Variants in RFTN1 observed in about 807,000 individuals in gnomAD.
RFTN1 encodes the protein raftlin.
RFTN1 carries 26 observed loss-of-function variants against 46.5 expected under a neutral mutation model. The ratio of observed to expected loss-of-function variants is 0.56; its 90% CI spans 0.41 to 0.78. RFTN1 has a LOEUF of 0.78. Among genes scored for constraint, RFTN1 ranks in the 30% least tolerant of loss-of-function variants. The pLI is 0.00. For synonymous variants in RFTN1, 261 were observed against 284.2 expected (o/e 0.92, Z 0.82); for missense variants, 693 against 718.7 (o/e 0.96, Z 0.41).
rs144720357 is a variant in RFTN1, at chr3:16,359,816, C to CT, written c.1031-1770dup. On this transcript the variant is annotated intron_variant, in intron 6 of 9. Transcript: ENST00000334133. ...TAGGGCAAATCCATAATAATGTGACCTTTTTTTTTTCATGGGGAGGGAAGG... is the reference window on the plus strand; with the variant it reads ...TAGGGCAAATCCATAATAATGTGACCTTTTTTTTTTTCATGGGGAGGGAAGG... Among the ~76,000 whole-genome samples the CT allele has an allele frequency of 1.3e-4, 20 of 148,528 alleles. No individual in the cohort carries two copies. In the East Asian group the frequency reaches 1.8e-3, roughly 13 times the overall value.
chr3:16,508,218 C>G (rs1305235260), intron 1 of RFTN1, among the ~76,000 whole-genome samples: 2 of 152,194 alleles, frequency 1.3e-5, no homozygotes, highest in African/African-American at 4.8e-5. Flanking sequence ...ACAGTACCAG[C>G]CCTCCACTGT....
At position 16,375,838 on chromosome 3, in the gene RFTN1, C is replaced by T. The variant is rs192673777; in HGVS notation, c.826+1880G>A. Among the ~76,000 whole-genome samples the T allele has an allele frequency of 7.8e-4, 119 of 152,242 alleles. 1 individual carries two copies. Among genetic ancestry groups the T allele is most frequent in the Admixed American group, 2.2e-3 (34 of 15,296 alleles). The stretch of plus-strand genomic sequence containing the variant: ...TCCTCCCCAGCAGGGTCTGTTTCTC[C>T]AGGAGAGAACAGGGACTTGGGTGAT... On this transcript the variant is annotated intron_variant, in intron 5 of 9. Coordinates refer to ENST00000334133, the MANE Select transcript of RFTN1 (RefSeq NM_015150.2).
In RFTN1 at chr3:16,384,869, G is replaced by A. The variant is rs1451098853; in HGVS notation, c.442-6767C>T. ...TGACCCCATGGACAGTGCAGGTGTAGAACATATCCATCATCATAGAACGTT... is the reference window on the plus strand; with the variant it reads ...TGACCCCATGGACAGTGCAGGTGTAAAACATATCCATCATCATAGAACGTT... On this transcript the variant is annotated intron_variant, in intron 4 of 9. Transcript: ENST00000334133. The surrounding 1 kb of genome is among the most constrained non-coding windows in gnomAD (Gnocchi z 4.7). 6.6e-6 allele frequency among the ~76,000 whole-genome samples: 1 copy of A among 152,164 alleles called. No homozygotes were observed. Among genetic ancestry groups the A allele is most frequent in the Non-Finnish European group, 1.5e-5 (1 of 68,036 alleles).
rs545340986 is a variant in RFTN1, at chr3:16,412,718, T to C, written c.333-3235A>G. ...ACATGGTAAAGGTGATGGATGTCAC[T>C]CCTGTGATGGCATTATGTTATATGA... On this transcript the variant is annotated intron_variant, in intron 3 of 9. Transcript: ENST00000334133. Among the ~76,000 whole-genome samples, 23 of 152,354 alleles carry C rather than the reference T, an allele frequency of 1.5e-4. 1 individual carries two copies. The South Asian group carries it at 4.8e-3, about 32-fold the overall frequency.
intron 4 of RFTN1, among the ~76,000 whole-genome samples, chr3:16,397,654 G>A (rs577670795): frequency 2.0e-4 from 30 of 152,006 alleles, no homozygotes; most frequent in Non-Finnish European, 2.1e-4. Context: ...CCACACCCCC[G>A]CCCACCCCAC....
rs2076223961 is a variant in RFTN1 at position 16,473,051 on chromosome 3, T to TG, written c.145+20673dup. Among the ~76,000 whole-genome samples, 1 of 152,246 alleles carries TG rather than the reference T, an allele frequency of 6.6e-6. No individual in the cohort carries two copies. On this transcript the variant is annotated intron_variant, in intron 2 of 9. Coordinates refer to ENST00000334133, the MANE Select transcript of RFTN1 (RefSeq NM_015150.2). The surrounding 1 kb of genome is among the most constrained non-coding windows in gnomAD (Gnocchi z 5.3). The stretch of plus-strand genomic sequence containing the variant: ...TACTAGGAAATCTGTTGGCTATAAA[T>TG]GAACTCATCGATAACACTCATTTCC...
chr3:16,503,476 T>A (rs954113060), intron 1 of RFTN1, among the ~76,000 whole-genome samples: 3 of 152,132 alleles, frequency 2.0e-5, no homozygotes, highest in Non-Finnish European at 4.4e-5. Flanking sequence ...CAGAGCACCA[T>A]TATTTTTAAA....
rs2070934833 is a variant in RFTN1 at position 16,337,138 on chromosome 3, G to T, written c.1147-10262C>A. ...AACCCTGCCTACGCCATGAGGACAGGCCCAGGCTAGCCTTCGGATGATGAG... is the reference window on the plus strand; with the variant it reads ...AACCCTGCCTACGCCATGAGGACAGTCCCAGGCTAGCCTTCGGATGATGAG... On this transcript the variant is annotated intron_variant, in intron 7 of 9. Transcript: ENST00000334133. This position sits in a 1 kb window ranked among gnomAD's most constrained non-coding sequence, Gnocchi z 5.0. 1.3e-5 allele frequency: 2 copies of T among 152,200 alleles called. No individual in the cohort carries two copies. Among genetic ancestry groups the T allele is most frequent in the African/African-American group, 4.8e-5 (2 of 41,436 alleles). The allele number at this position is 152,200 out of a possible 1,614,324, so 9.4% of individuals were successfully genotyped here. A position where few individuals can be genotyped will look rare whatever the true frequency, so the allele number is the denominator to read the frequency against.
rs970507494 is a variant in RFTN1 at position 16,473,549 on chromosome 3, C to T, written c.145+20176G>A. Among the ~76,000 whole-genome samples the T allele has an allele frequency of 6.6e-6, 1 of 151,942 alleles. No homozygotes were observed. The highest frequency in any genetic ancestry group is 1.5e-5 in the Non-Finnish European group (1 of 67,966). On this transcript the variant is annotated intron_variant, in intron 2 of 9. Transcript: ENST00000334133. The surrounding 1 kb of genome is among the most constrained non-coding windows in gnomAD (Gnocchi z 5.3). Reference sequence around the variant, plus strand: ...CCAAGGAGCTGGGACTACAGGCATGCACCGCCCTGCCTGGCTAATTTTTTT... The same window carrying T: ...CCAAGGAGCTGGGACTACAGGCATGTACCGCCCTGCCTGGCTAATTTTTTT...
chr3:16,435,437 G>C (rs1240979925), intron 2 of RFTN1, among the ~76,000 whole-genome samples: 2 of 152,112 alleles, frequency 1.3e-5, no homozygotes, highest in Non-Finnish European at 2.9e-5. Flanking sequence ...CGGTGTGGTG[G>C]TGCATGCCTG....
chr3:16,470,373 G>C (rs1170402982), intron 2 of RFTN1, among the ~76,000 whole-genome samples: 1 of 152,208 alleles, frequency 6.6e-6, no homozygotes, highest in Non-Finnish European at 1.5e-5. Context: ...CACTGGGCGA[G>C]GTTTTGTCTC....
At chr3:16,505,514 G>A (rs549076448) in intron 1 of RFTN1, among the ~76,000 whole-genome samples, 1 of 152,314 alleles carries the variant, frequency 6.6e-6, no homozygotes, top group African/African-American at 2.4e-5. Context: ...TGAAATTGGG[G>A]GGCTGACAAG....
rs34705903 is a variant in RFTN1, at chr3:16,426,660, CGTGTGTGTGTGT to C, written c.332+7179_332+7190del. ...ACTGTTATTTTGGCAATGAAAGGAT[CGTGTGTGTGTGT>C]GTGTGTGTGTGTGTGTGTGTGTGTG... On this transcript the variant is annotated intron_variant, in intron 3 of 9. Transcript: ENST00000334133. This position sits in a 1 kb window ranked among gnomAD's most constrained non-coding sequence, Gnocchi z 5.9. Among the ~76,000 whole-genome samples the C allele has an allele frequency of 3.5e-5, 5 of 142,024 alleles. No individual in the cohort carries two copies. The highest frequency in any genetic ancestry group is 5.3e-5 in the African/African-American group (2 of 37,492). 93.2% of individuals were successfully genotyped at this position (142,024 alleles called of 152,430 possible).
At chr3:16,497,207 T>G (rs1247565484) in intron 1 of RFTN1, among the ~76,000 whole-genome samples, 1 of 152,206 alleles carries the variant, frequency 6.6e-6, no homozygotes, top group African/African-American at 2.4e-5. Context: ...TTCCCATACT[T>G]ACACTAAAAC....
rs1047486273 is a variant in RFTN1 at position 16,382,700 on chromosome 3, C to T, written c.442-4598G>A. ...AGCTGGAATCACAGTATCTTCTTCC[C>T]TGTTTCTAATCCTGTGTGTCTGTTC... On this transcript the variant is annotated intron_variant, in intron 4 of 9. Transcript: ENST00000334133. The surrounding 1 kb of genome is among the most constrained non-coding windows in gnomAD (Gnocchi z 4.7). 1.3e-5 allele frequency among the ~76,000 whole-genome samples: 2 copies of T among 152,196 alleles called. No individual in the cohort carries two copies. Among genetic ancestry groups the T allele is most frequent in the African/African-American group, 4.8e-5 (2 of 41,446 alleles).
chr3:16,437,139 T>A (rs544883732), intron 2 of RFTN1, among the ~76,000 whole-genome samples: 1 of 152,340 alleles, frequency 6.6e-6, no homozygotes, highest in South Asian at 2.1e-4. Context: ...ATTTATCAGG[T>A]TTATTCCTAG....
chr3:16,329,962 T>C lies in RFTN1; in HGVS notation c.1147-3086A>G, dbSNP rs1028364442. 6.6e-6 allele frequency among the ~76,000 whole-genome samples: 1 copy of C among 152,208 alleles called. No homozygotes were observed. The highest frequency in any genetic ancestry group is 6.5e-5 in the Admixed American group (1 of 15,284). ...CCCTGCTGCAGCCCGACCCGCCTGC[T>C]TAGACAGACTGCAAACCGGCTGCTT... On this transcript the variant is annotated intron_variant, in intron 7 of 9. Transcript: ENST00000334133. This position sits in a 1 kb window ranked among gnomAD's most constrained non-coding sequence, Gnocchi z 4.5.
chr3:16,408,131 G>A (rs892673228), intron 4 of RFTN1, among the ~76,000 whole-genome samples: 3 of 151,968 alleles, frequency 2.0e-5, no homozygotes, highest in Non-Finnish European at 2.9e-5. Flanking sequence ...TCCCTCTGAC[G>A]TTCTTTTGAT....
intron 6 of RFTN1, among the ~76,000 whole-genome samples, chr3:16,359,362 T>C (rs1284460260): frequency 6.6e-6 from 1 of 152,178 alleles, no homozygotes; most frequent in East Asian, 1.9e-4. Context: ...ATTCGTATGT[T>C]GAAGCCCTAA....
Sources: gnomAD v4.1 joint callset for allele counts (sites outside exome capture counted in the v4.1 genomes callset) on GRCh38, gnomAD v4.1.1 for gene constraint, Gnocchi (gnomAD v3.1) non-coding constraint, MANE v1.5 for transcripts, NCBI Gene and HGNC (gene_info 2026-07-23, HGNC 2026-07-21) for gene names.